Variants in ANGPT4 observed in about 807,000 individuals in gnomAD.
ANGPT4 encodes angiopoietin-4.
Under a neutral mutation model 53.0 loss-of-function variants are expected in ANGPT4, and 50 were observed. That is an observed-to-expected ratio of 0.94 (90% confidence interval 0.75 to 1.20). ANGPT4 has a LOEUF of 1.20. Ranked by LOEUF, ANGPT4 falls within the 50% of genes most tolerant of loss-of-function variation. The pLI, the probability that ANGPT4 is intolerant of heterozygous loss-of-function variation, is 0.00. For synonymous variants in ANGPT4, 251 were observed against 259.7 expected (o/e 0.97, Z 0.32); for missense variants, 648 against 637.1 (o/e 1.02, Z -0.18).
At chr20:902,513 G>A (rs6055730) in intron 1 of ANGPT4, among the ~76,000 whole-genome samples, 5,735 of 152,136 alleles carry the variant, frequency 0.038, 369 homozygotes, top group African/African-American at 0.13. Context: ...GGATATCTAC[G>A]ACACATTGTG....
chr20:875,623 C>T (rs1310055926), intron 7 of ANGPT4, among the ~76,000 whole-genome samples: 2 of 152,208 alleles, frequency 1.3e-5, no homozygotes, highest in Non-Finnish European at 2.9e-5. Context: ...ATTAGCAGTG[C>T]TGCCCTCGTT....
chr20:873,586 T>G (rs2122749329), intron 8 of ANGPT4, among the ~76,000 whole-genome samples: 1 of 152,120 alleles, frequency 6.6e-6, no homozygotes, highest in Non-Finnish European at 1.5e-5. Flanking sequence ...TCTCTGATGG[T>G]CTTTGTCCCT....
rs184566412 is a variant in ANGPT4, at chr20:914,098, A to C, written c.309+1808T>G. 3.0e-4 allele frequency among the ~76,000 whole-genome samples: 45 copies of C among 152,288 alleles called. No individual in the cohort carries two copies. Among genetic ancestry groups the C allele is most frequent in the Admixed American group, 1.4e-3 (21 of 15,304 alleles). On this transcript the variant is annotated intron_variant, in intron 1 of 8. Coordinates refer to ENST00000381922, the MANE Select transcript of ANGPT4 (RefSeq NM_015985.4). The surrounding 1 kb of genome is among the most constrained non-coding windows in gnomAD (Gnocchi z 5.0). ...TGGAAGGACATTTATGCATTCATGC[A>C]TTCACTCATGCTACAGACATTTATT...
At chr20:899,884 C>A (rs999656952) in intron 1 of ANGPT4, among the ~76,000 whole-genome samples, 1 of 152,226 alleles carries the variant, frequency 6.6e-6, no homozygotes, top group African/African-American at 2.4e-5. Context: ...GGCTGTACTG[C>A]CACAAGGCTT....
intron 1 of ANGPT4, among the ~76,000 whole-genome samples, chr20:896,100 G>A (rs767032441): frequency 2.2e-4 from 33 of 152,232 alleles, no homozygotes; most frequent in South Asian, 6.2e-4. Flanking sequence ...ATAAAATGCC[G>A]CAGATATACA....
At chr20:895,893 G>T (rs1982028598) in intron 1 of ANGPT4, among the ~76,000 whole-genome samples, 2 of 152,044 alleles carry the variant, frequency 1.3e-5, no homozygotes, top group Admixed American at 1.3e-4. Flanking sequence ...TGGGTCCGGG[G>T]AGGGGGTGGG....
chr20:878,257 G>T lies in ANGPT4; in HGVS notation c.1124C>A (p.Ala375Asp). ...TTGCAGCTCCACACGCAGAGAGTAG[G>T]CTGCCCTTCTGGTGAGCTGGTGCAC... ...EVVHQLTRRA[A>D]YSLRVELQDW... The change falls in exon 7 of 9, where the codon GCC (alanine) becomes GAC (aspartate). Residue 375 changes from alanine (A) to aspartate (D), a missense_variant. Coordinates refer to ENST00000381922, the MANE Select transcript of ANGPT4 (RefSeq NM_015985.4). The T allele has an allele frequency of 1.2e-6, 2 of 1,613,266 alleles. No individual in the cohort carries two copies. The highest frequency in any genetic ancestry group is 1.1e-5 in the South Asian group (1 of 91,070).
At chr20:915,082 C>A (rs1022165812) in intron 1 of ANGPT4, among the ~76,000 whole-genome samples, 1 of 152,204 alleles carries the variant, frequency 6.6e-6, no homozygotes, top group East Asian at 1.9e-4. Context: ...ATGGCTGCAG[C>A]GGCCACCTCT....
intron 1 of ANGPT4, among the ~76,000 whole-genome samples, chr20:900,912 C>A (rs1982258367): frequency 6.6e-6 from 1 of 152,126 alleles, no homozygotes; most frequent in African/African-American, 2.4e-5. Flanking sequence ...CTTGTGACTT[C>A]CATTTAGTTT....
At chr20:900,854 C>T (rs1387235211) in intron 1 of ANGPT4, among the ~76,000 whole-genome samples, 1 of 151,660 alleles carries the variant, frequency 6.6e-6, no homozygotes, top group Admixed American at 6.6e-5. Context: ...TAGGTCCTCT[C>T]AATTCTTGGT....
chr20:876,921 C>T (rs1398684895), intron 7 of ANGPT4, among the ~76,000 whole-genome samples: 1 of 152,132 alleles, frequency 6.6e-6, no homozygotes, highest in East Asian at 1.9e-4. Flanking sequence ...GTAGTGCATG[C>T]CTGTAATCCC....
intron 1 of ANGPT4, among the ~76,000 whole-genome samples, chr20:891,916 C>T (rs1981862769): frequency 6.6e-6 from 1 of 152,162 alleles, no homozygotes; most frequent in Non-Finnish European, 1.5e-5. Flanking sequence ...CCAGGTCCCA[C>T]CGCAGACCTC....
intron 6 of ANGPT4, among the ~76,000 whole-genome samples, chr20:879,507 TAAAAAAAATTAAAACA>T (rs1981306435): frequency 6.6e-6 from 1 of 152,012 alleles, no homozygotes; most frequent in African/African-American, 2.4e-5. Flanking sequence ...TGTATTTTTT[TAAAAAAAATTAAAACA>T]AAAATAAAGC....
chr20:885,023 C>T, intron 4 of ANGPT4, 55 bp downstream of exon 4: 2 of 1,562,892 alleles, frequency 1.3e-6, no homozygotes, highest in South Asian at 1.1e-5. Flanking sequence ...GCAGGGTCTC[C>T]CCTCCCCTCT....
chr20:907,909 G>A (rs1042099859), intron 1 of ANGPT4, among the ~76,000 whole-genome samples: 2 of 152,194 alleles, frequency 1.3e-5, no homozygotes, highest in Non-Finnish European at 2.9e-5. Context: ...TCTCTTATTG[G>A]ATCCCCAGCA....
chr20:891,970 C>T (rs1282329610), intron 1 of ANGPT4, among the ~76,000 whole-genome samples: 1 of 152,132 alleles, frequency 6.6e-6, no homozygotes, highest in Non-Finnish European at 1.5e-5. Flanking sequence ...CTGTGGTTAA[C>T]AACACCCCTG....
intron 7 of ANGPT4, among the ~76,000 whole-genome samples, chr20:875,431 C>T (rs1435144158): frequency 6.6e-6 from 1 of 152,208 alleles, no homozygotes; most frequent in Non-Finnish European, 1.5e-5. Flanking sequence ...ATTTCTTTGC[C>T]AGGCTCTGTG....
chr20:890,066 C>T, intron 2 of ANGPT4, 147 bp downstream of exon 2: 1 of 971,168 alleles, frequency 1.0e-6, no homozygotes, highest in Admixed American at 2.8e-5. Context: ...ATGACAAGTT[C>T]ATCAGGGAGG....
At position 911,452 on chromosome 20, in the gene ANGPT4, A is replaced by G. The variant is rs1041303611; in HGVS notation, c.309+4454T>C. Among the ~76,000 whole-genome samples, 5 of 152,282 alleles carry G rather than the reference A, an allele frequency of 3.3e-5. No individual in the cohort carries two copies. Among genetic ancestry groups the G allele is most frequent in the African/African-American group, 1.2e-4 (5 of 41,570 alleles). ...GATGTGCCCTGGGTCTTCAGTGTGG[A>G]CACTCGGGGAGGTAGAGGTGGGAGG... On this transcript the variant is annotated intron_variant, in intron 1 of 8. Coordinates refer to ENST00000381922, the MANE Select transcript of ANGPT4 (RefSeq NM_015985.4). This position sits in a 1 kb window ranked among gnomAD's most constrained non-coding sequence, Gnocchi z 4.9.
Sources: allele counts gnomAD v4.1 joint callset (sites outside exome capture counted in the v4.1 genomes callset), GRCh38; gene constraint gnomAD v4.1.1; non-coding constraint Gnocchi (gnomAD v3.1); transcripts MANE v1.5; gene names NCBI Gene and HGNC (gene_info 2026-07-23, HGNC 2026-07-21).